NFIX: variants seen among roughly 807,000 people sequenced by gnomAD.
The protein encoded by NFIX is nuclear factor 1 X-type.
Under a neutral mutation model 53.3 loss-of-function variants are expected in NFIX, and 2 were observed. The observed-to-expected ratio is 0.04, with a 90% CI of 0.02 to 0.12. The LOEUF is 0.12. Among genes scored for constraint, NFIX ranks in the 10% least tolerant of loss-of-function variants. The pLI is 1.00. For synonymous variants in NFIX, 244 were observed against 289.0 expected, an observed-to-expected ratio of 0.84 and a Z score of 1.58; for missense variants, 310 against 674.5, an observed-to-expected ratio of 0.46 and a Z score of 5.99.
Position 13,072,916 on chromosome 19 carries a change from G to A in NFIX, c.560-131G>A. The A allele has an allele frequency of 1.2e-6, 1 of 862,096 alleles. No homozygotes were observed. Among genetic ancestry groups the A allele is most frequent in the Non-Finnish European group, 2.0e-6 (1 of 505,842 alleles). 53.4% of individuals were successfully genotyped at this position (862,096 alleles called of 1,614,324 possible). On this transcript the variant is annotated intron_variant, in intron 2 of 10. Transcript: ENST00000592199. This position sits in a 1 kb window ranked among gnomAD's most constrained non-coding sequence, Gnocchi z 4.0. ...CTCCTGGGGCTGGTTTGGGGAGAGGGTGGGGTGAAGGTTTCTGTAGCCAGG... is the reference window on the plus strand; with the variant it reads ...CTCCTGGGGCTGGTTTGGGGAGAGGATGGGGTGAAGGTTTCTGTAGCCAGG...
intron 2 of NFIX, among the ~76,000 whole-genome samples, chr19:13,026,320 C>T (rs2013345005): frequency 6.6e-6 from 1 of 150,484 alleles, no homozygotes; most frequent in Non-Finnish European, 1.5e-5. Flanking sequence ...TCTCGGGGCA[C>T]AGGCATGGCA....
rs1486075598 is a variant in NFIX at position 13,088,276 on chromosome 19, C to T, written c.1402+140C>T. ...AGAGCACCATGGACAAGAGCAGAGCCGAGCCCCCCAACCACAGCCTCCCTC... is the reference window on the plus strand; with the variant it reads ...AGAGCACCATGGACAAGAGCAGAGCTGAGCCCCCCAACCACAGCCTCCCTC... On this transcript the variant is annotated intron_variant, in intron 9 of 10. Coordinates refer to ENST00000592199, the MANE Select transcript of NFIX (RefSeq NM_001365902.3). The surrounding 1 kb of genome is among the most constrained non-coding windows in gnomAD (Gnocchi z 5.9). The T allele has an allele frequency of 9.2e-6, 10 of 1,082,900 alleles. No homozygotes were observed. The highest frequency in any genetic ancestry group is 5.2e-5 in the East Asian group (2 of 38,158). 67.1% of individuals were successfully genotyped at this position (1,082,900 alleles called of 1,614,324 possible).
rs2018074812 is a variant in NFIX at position 13,090,613 on chromosome 19, G to A, written c.1494+223G>A. Among the ~76,000 whole-genome samples, 1 of 152,212 alleles carries A rather than the reference G, an allele frequency of 6.6e-6. No individual in the cohort carries two copies. Among genetic ancestry groups the A allele is most frequent in the Admixed American group, 6.5e-5 (1 of 15,288 alleles). On this transcript the variant is annotated intron_variant, in intron 10 of 10. Coordinates refer to ENST00000592199, the MANE Select transcript of NFIX (RefSeq NM_001365902.3). This position sits in a 1 kb window ranked among gnomAD's most constrained non-coding sequence, Gnocchi z 6.6. The stretch of plus-strand genomic sequence containing the variant: ...ATCAGCTAATTGGATAATTAGCTCT[G>A]ACAGCCCTGGCCCTGGGGAAGGCGG...
At chr19:13,007,497 A>C (rs2012089912) in intron 1 of NFIX, among the ~76,000 whole-genome samples, 1 of 152,184 alleles carries the variant, frequency 6.6e-6, no homozygotes, top group Admixed American at 6.5e-5. Context: ...TAGGGTGGGC[A>C]TCTCTGCCCA....
Position 13,078,854 on chromosome 19 carries a change from G to A in NFIX, c.1078+119G>A, listed in dbSNP as rs1303493858. The A allele has an allele frequency of 2.5e-6, 3 of 1,223,628 alleles. No homozygotes were observed. The highest frequency in any genetic ancestry group is 2.6e-5 in the East Asian group (1 of 38,592). The allele number at this position is 1,223,628 out of a possible 1,614,324, so 75.8% of individuals were successfully genotyped here. A position where few individuals can be genotyped will look rare whatever the true frequency, so the allele number is the denominator to read the frequency against. Reference sequence around the variant, plus strand: ...AGTGACAGCCCCACGCTCTCCAAGTGGGCCAAGGTGCAGCAGCGGGTGGGC... The same window carrying A: ...AGTGACAGCCCCACGCTCTCCAAGTAGGCCAAGGTGCAGCAGCGGGTGGGC... On this transcript the variant is annotated intron_variant, in intron 7 of 10. Transcript: ENST00000592199. This position sits in a 1 kb window ranked among gnomAD's most constrained non-coding sequence, Gnocchi z 4.7.
chr19:13,074,704 CTT>C (rs1262168364), intron 5 of NFIX, among the ~76,000 whole-genome samples: 20 of 136,048 alleles, frequency 1.5e-4, no homozygotes, highest in African/African-American at 4.6e-4. Flanking sequence ...GTCCACTCCA[CTT>C]TTTTTTTTTT....
Position 13,094,831 on chromosome 19 carries a change from G to A in NFIX, c.*182G>A. The A allele has an allele frequency of 1.6e-6, 1 of 624,042 alleles. No homozygotes were observed. Among genetic ancestry groups the A allele is most frequent in the Middle Eastern group, 4.3e-4 (1 of 2,310 alleles). The allele number at this position is 624,042 out of a possible 1,614,324, so 38.7% of individuals were successfully genotyped here. On this transcript the variant is annotated 3_prime_UTR_variant, in exon 11 of 11. Coordinates refer to ENST00000592199, the MANE Select transcript of NFIX (RefSeq NM_001365902.3). This position sits in a 1 kb window ranked among gnomAD's most constrained non-coding sequence, Gnocchi z 4.3. ...CCGGGGACCCCCGCGGGCCCCAGAA[G>A]CAGCCCAGTTCTCAGAGAGCCCTTG... is the stretch of plus-strand genomic sequence containing the variant.
Position 13,006,831 on chromosome 19 carries a change from G to A in NFIX, c.27+10967G>A, listed in dbSNP as rs2012041342. Among the ~76,000 whole-genome samples, 1 of 152,170 alleles carries A rather than the reference G, an allele frequency of 6.6e-6. No homozygotes were observed. Among genetic ancestry groups the A allele is most frequent in the South Asian group, 2.1e-4 (1 of 4,826 alleles). On this transcript the variant is annotated intron_variant, in intron 1 of 10. Transcript: ENST00000592199. This position sits in a 1 kb window ranked among gnomAD's most constrained non-coding sequence, Gnocchi z 5.6. ...TCGGCACTGCAGGCTGGCAACCACC[G>A]TGCCCAGCCTGGTGGCATTTGGTTT...
rs527329004 is a variant in NFIX, at chr19:13,047,868, G to A, written c.559+22316G>A. Among the ~76,000 whole-genome samples, 5 of 152,270 alleles carry A rather than the reference G, an allele frequency of 3.3e-5. No individual in the cohort carries two copies. In the East Asian group the frequency reaches 9.6e-4, roughly 29 times the overall value. ...TTTGTCCCATGGTGGCAGCATTCCG[G>A]CCCGGTTAATTGCATGCCACCCTTC... On this transcript the variant is annotated intron_variant, in intron 2 of 10. Transcript: ENST00000592199.
Position 13,002,088 on chromosome 19 carries a change from C to T in NFIX, c.27+6224C>T, listed in dbSNP as rs1203365892. 6.6e-6 allele frequency among the ~76,000 whole-genome samples: 1 copy of T among 152,202 alleles called. No homozygotes were observed. The highest frequency in any genetic ancestry group is 2.4e-5 in the African/African-American group (1 of 41,458). Reference sequence around the variant, plus strand: ...GGGCCTGAGCCCACTATCCCCGCTGCCCCCACAGCCAGGCAGGCCCTGGGC... The same window carrying T: ...GGGCCTGAGCCCACTATCCCCGCTGTCCCCACAGCCAGGCAGGCCCTGGGC... On this transcript the variant is annotated intron_variant, in intron 1 of 10. Transcript: ENST00000592199. The surrounding 1 kb of genome is among the most constrained non-coding windows in gnomAD (Gnocchi z 6.1).
rs953039968 is a variant in NFIX, at chr19:13,088,363, G to C, written c.1402+227G>C. 3.9e-5 allele frequency among the ~76,000 whole-genome samples: 6 copies of C among 152,082 alleles called. No individual in the cohort carries two copies. The highest frequency in any genetic ancestry group is 1.4e-4 in the African/African-American group (6 of 41,422). ...CCCCTGCCCGCTGCTCCCAGCCGGG[G>C]CCCCTGGCCCAGGCCCCTCTGGGGG... On this transcript the variant is annotated intron_variant, in intron 9 of 10. Coordinates refer to ENST00000592199, the MANE Select transcript of NFIX (RefSeq NM_001365902.3). This position sits in a 1 kb window ranked among gnomAD's most constrained non-coding sequence, Gnocchi z 5.9.
Position 13,049,896 on chromosome 19 carries a change from C to T in NFIX, c.560-23151C>T, listed in dbSNP as rs1226776076. Among the ~76,000 whole-genome samples the T allele has an allele frequency of 6.6e-6, 1 of 152,156 alleles. No homozygotes were observed. The highest frequency in any genetic ancestry group is 6.5e-5 in the Admixed American group (1 of 15,268). ...CGAGAGCCACTGCACCCGGCCAGTT[C>T]CTTTTTAAGGCCAAATAATATTTAA... is the stretch of plus-strand genomic sequence containing the variant. On this transcript the variant is annotated intron_variant, in intron 2 of 10. Transcript: ENST00000592199. The surrounding 1 kb of genome is among the most constrained non-coding windows in gnomAD (Gnocchi z 4.5).
rs924865663 is a variant in NFIX, at chr19:13,043,895, T to A, written c.559+18343T>A. ...ATTCTAGCACTTTGGGAGGCCGATG[T>A]GGGAGGATCATTTGAGCCCAGGAGT... On this transcript the variant is annotated intron_variant, in intron 2 of 10. Coordinates refer to ENST00000592199, the MANE Select transcript of NFIX (RefSeq NM_001365902.3). The surrounding 1 kb of genome is among the most constrained non-coding windows in gnomAD (Gnocchi z 4.0). 6.6e-6 allele frequency among the ~76,000 whole-genome samples: 1 copy of A among 152,168 alleles called. No individual in the cohort carries two copies. The highest frequency in any genetic ancestry group is 2.4e-5 in the African/African-American group (1 of 41,432).
Position 13,011,709 on chromosome 19 carries a change from C to G in NFIX, c.28-13312C>G, listed in dbSNP as rs1304337559. On this transcript the variant is annotated intron_variant, in intron 1 of 10. Transcript: ENST00000592199. The surrounding 1 kb of genome is among the most constrained non-coding windows in gnomAD (Gnocchi z 6.5). ...GGCACGAACACTCCCTCCCCAGTGC[C>G]TCTGTGCATTAGGTCGCGTGCCTGT... is the stretch of plus-strand genomic sequence containing the variant. 1.3e-5 allele frequency among the ~76,000 whole-genome samples: 2 copies of G among 152,196 alleles called. No homozygotes were observed. Among genetic ancestry groups the G allele is most frequent in the Non-Finnish European group, 2.9e-5 (2 of 68,022 alleles).
At chr19:13,018,167 G>C (rs1202485515) in intron 1 of NFIX, among the ~76,000 whole-genome samples, 1 of 152,162 alleles carries the variant, frequency 6.6e-6, no homozygotes, top group Non-Finnish European at 1.5e-5. Context: ...AGAGAGAATA[G>C]ATTGTCTCCC....
chr19:13,010,400 G>T (rs1023503524), intron 1 of NFIX, among the ~76,000 whole-genome samples: 1 of 152,366 alleles, frequency 6.6e-6, no homozygotes, highest in East Asian at 1.9e-4. Flanking sequence ...TCGGACGTGC[G>T]CACGCACATA....
intron 1 of NFIX, among the ~76,000 whole-genome samples, chr19:13,003,498 G>A (rs1034272632): frequency 6.6e-6 from 1 of 152,014 alleles, no homozygotes; most frequent in African/African-American, 2.4e-5. Context: ...CATGAGCACC[G>A]ATACACCCGC....
rs1209339994 is a variant in NFIX, at chr19:13,078,716, G to A, written c.1059G>A (p.Val353=). Residue 353 remains valine (V), a synonymous_variant, in exon 7 of 11, where the codon GTG becomes GTA. Transcript: ENST00000592199. The surrounding 1 kb of genome is among the most constrained non-coding windows in gnomAD (Gnocchi z 4.7). Reference sequence around the variant, plus strand: ...CTTTCACCCACCACCCGCTGCCTGTGCTTGCTGGAGTCAGACCAGGTGAGA... The same window carrying A: ...CTTTCACCCACCACCCGCTGCCTGTACTTGCTGGAGTCAGACCAGGTGAGA... ...RMAFTHHPLP[V]LAGVRPGSPR... 6.2e-7 allele frequency: 1 copy of A among 1,600,978 alleles called. No individual in the cohort carries two copies. The highest frequency in any genetic ancestry group is 1.7e-5 in the Admixed American group (1 of 58,296).
intron 8 of NFIX, among the ~76,000 whole-genome samples, chr19:13,083,541 G>A (rs1170381043): frequency 6.6e-6 from 1 of 152,166 alleles, no homozygotes; most frequent in Non-Finnish European, 1.5e-5. Context: ...CTCTGATATA[G>A]AGCCATAGTT....
Sources: gnomAD v4.1 joint callset for allele counts (sites outside exome capture counted in the v4.1 genomes callset) on GRCh38, gnomAD v4.1.1 for gene constraint, Gnocchi (gnomAD v3.1) non-coding constraint, MANE v1.5 for transcripts, NCBI Gene and HGNC (gene_info 2026-07-23, HGNC 2026-07-21) for gene names.